The following ATIC variants were observed in gnomAD, a reference collection of about 807,000 sequenced individuals.
The protein encoded by ATIC is bifunctional purine biosynthesis protein ATIC.
In ATIC, 64 loss-of-function variants were observed where a neutral mutation model predicts 72.5. That is an observed-to-expected ratio of 0.88 (90% CI 0.72 to 1.09). The LOEUF is 1.09. ATIC is among the 50% of genes least tolerant of loss of function. ATIC has a pLI of 0.00. For synonymous variants in ATIC, 281 were observed against 267.1 expected (o/e 1.05, Z -0.51); for missense variants, 787 against 732.4 (o/e 1.07, Z -0.86).
At chr2:215,323,884 T>G (rs6435897) in intron 4 of ATIC, among the ~76,000 whole-genome samples, 1 of 152,192 alleles carries the variant, frequency 6.6e-6, no homozygotes. Context: ...AGTGATTATC[T>G]TGCTTCAGCC....
At chr2:215,343,273 A>G (rs997590285) in intron 12 of ATIC, among the ~76,000 whole-genome samples, 1 of 151,578 alleles carries the variant, frequency 6.6e-6, no homozygotes, top group East Asian at 1.9e-4. Flanking sequence ...CTACATGTGT[A>G]TCCTTTTTGG....
At chr2:215,328,737 G>A (rs1272024267) in intron 7 of ATIC, among the ~76,000 whole-genome samples, 1 of 137,888 alleles carries the variant, frequency 7.3e-6, no homozygotes, top group African/African-American at 2.7e-5. Context: ...TTTTTTTTGA[G>A]ATAGAGTTTC....
chr2:215,368,027 A>G, the ATIC span: 1 of 1,614,176 alleles, frequency 6.2e-7, no homozygotes, highest in Non-Finnish European at 8.5e-7. Context: ...GCCTTCGTTG[A>G]CTATGAAGAA....
intron 7 of ATIC, among the ~76,000 whole-genome samples, chr2:215,328,065 G>A (rs56072071): frequency 0.033 from 5,019 of 151,688 alleles, 285 homozygotes; most frequent in African/African-American, 0.11. Context: ...GTAGAGATGG[G>A]GTTTCACCAT....
chr2:215,339,026 A>T (rs1430148295), intron 12 of ATIC, 119 bp downstream of exon 12: 2 of 1,356,240 alleles, frequency 1.5e-6, no homozygotes, highest in African/African-American at 1.4e-5. Flanking sequence ...GCACACGGCT[A>T]GCTAGCTTAT....
chr2:215,341,441 G>T (rs2053017734), intron 12 of ATIC, among the ~76,000 whole-genome samples: 1 of 152,126 alleles, frequency 6.6e-6, no homozygotes, highest in African/African-American at 2.4e-5. Flanking sequence ...TATAAGAGTG[G>T]TAGGTATGAT....
intron 7 of ATIC, among the ~76,000 whole-genome samples, chr2:215,330,827 C>T (rs1246356397): frequency 6.6e-6 from 1 of 151,882 alleles, no homozygotes; most frequent in East Asian, 1.9e-4. Context: ...TACAGGCATG[C>T]ACCACCATGC....
Position 215,312,286 on chromosome 2 carries a change from C to T in ATIC, c.19+125C>T. 2.1e-6 allele frequency: 3 copies of T among 1,442,068 alleles called. No individual in the cohort carries two copies. The South Asian group carries it at 4.2e-5, about 20-fold the overall frequency. 89.3% of individuals were successfully genotyped at this position (1,442,068 alleles called of 1,614,324 possible). A position where few individuals can be genotyped will look rare whatever the true frequency, so the allele number is the denominator to read the frequency against. On this transcript the variant is annotated intron_variant, in intron 1 of 15. Coordinates refer to ENST00000236959, the MANE Select transcript of ATIC (RefSeq NM_004044.7). ...CGCTGCGGGATTGAAAGCCAGCGTC[C>T]CCGCTCCCCGGCCGGGCCGCAGCCT...
At chr2:215,313,575 T>C (rs1298272142) in intron 2 of ATIC, among the ~76,000 whole-genome samples, 1 of 152,210 alleles carries the variant, frequency 6.6e-6, no homozygotes, top group Non-Finnish European at 1.5e-5. Flanking sequence ...TGACCACCCC[T>C]GAAACATATT....
At chr2:215,359,727 GAGTT>G in the ATIC span, among the ~76,000 whole-genome samples, 14 of 141,838 alleles carry the variant, frequency 9.9e-5, no homozygotes, top group African/African-American at 2.7e-4. Context: ...ATTCAAATGG[GAGTT>G]AGTATTTTTT....
At chr2:215,327,551 G>A (rs1575117584) in intron 7 of ATIC, among the ~76,000 whole-genome samples, 1 of 152,142 alleles carries the variant, frequency 6.6e-6, no homozygotes, top group African/African-American at 2.4e-5. Context: ...GTTTAGAGAG[G>A]GTTTTTAAAT....
chr2:215,359,868 T>C, the ATIC span, among the ~76,000 whole-genome samples: 15 of 152,336 alleles, frequency 9.8e-5, no homozygotes, highest in South Asian at 2.1e-4. Context: ...ATGTCTTGTT[T>C]ATTATGAACT....
At chr2:215,317,786 G>T (rs2052725863) in intron 2 of ATIC, among the ~76,000 whole-genome samples, 1 of 152,070 alleles carries the variant, frequency 6.6e-6, no homozygotes, top group Admixed American at 6.6e-5. Flanking sequence ...ACCGTGCCCG[G>T]CCAAGGATAT....
At chr2:215,365,013 G>A in the ATIC span, 49 of 1,401,656 alleles carry the variant, frequency 3.5e-5, no homozygotes, top group Non-Finnish European at 4.4e-5. Flanking sequence ...ACAGATGCAC[G>A]CATAAGCTGA....
At chr2:215,353,553 T>A (rs1575129428), downstream of ATIC, among the ~76,000 whole-genome samples, 1 of 150,412 alleles carries the variant, frequency 6.6e-6, no homozygotes, top group Non-Finnish European at 1.5e-5. Context: ...TAAGGTTTTG[T>A]TGTTGTTGTT....
chr2:215,331,014 G>A (rs1194544100), intron 7 of ATIC, among the ~76,000 whole-genome samples: 1 of 152,150 alleles, frequency 6.6e-6, no homozygotes, highest in Non-Finnish European at 1.5e-5. Flanking sequence ...GTGTATGAAT[G>A]TACCACAGTT....
the ATIC span, chr2:215,362,256 G>T: frequency 1.6e-6 from 1 of 634,960 alleles, no homozygotes; most frequent in Admixed American, 2.3e-5. Flanking sequence ...ATACATTTTG[G>T]CTTATTACCA....
chr2:215,322,938 G>GT (rs1300429724), intron 4 of ATIC, among the ~76,000 whole-genome samples: 1 of 151,806 alleles, frequency 6.6e-6, no homozygotes, highest in African/African-American at 2.4e-5. Flanking sequence ...TTGTTTGTTT[G>GT]TTTGTTTTGT....
At chr2:215,314,666 T>G (rs2052690483) in intron 2 of ATIC, among the ~76,000 whole-genome samples, 1 of 151,960 alleles carries the variant, frequency 6.6e-6, no homozygotes, top group Admixed American at 6.6e-5. Context: ...GCCTGGCTAA[T>G]TTTTTTGTAT....
Sources: gnomAD v4.1 joint callset for allele counts (sites outside exome capture counted in the v4.1 genomes callset) on GRCh38, gnomAD v4.1.1 for gene constraint, MANE v1.5 for transcripts, NCBI Gene and HGNC (gene_info 2026-07-23, HGNC 2026-07-21) for gene names.